ZFP1: variants seen among roughly 807,000 people sequenced by gnomAD.
The protein encoded by ZFP1 is zinc finger protein 1 homolog.
A neutral mutation model predicts 38.5 loss-of-function variants in ZFP1; 32 were observed. The observed-to-expected ratio is 0.83, with a 90% CI of 0.63 to 1.12. The LOEUF is 1.12. Among genes scored for constraint, ZFP1 ranks in the 50% most tolerant of loss-of-function variants. The pLI, the probability that ZFP1 is intolerant of heterozygous loss-of-function variation, is 0.00. For synonymous variants in ZFP1, 245 were observed against 168.8 expected (o/e 1.45, Z -3.50); for missense variants, 616 against 480.8 (o/e 1.28, Z -2.63).
the ZFP1 span, among the ~76,000 whole-genome samples, chr16:75,121,430 C>A: frequency 6.6e-6 from 1 of 152,076 alleles, no homozygotes; most frequent in Non-Finnish European, 1.5e-5. Flanking sequence ...CGGCAAATTT[C>A]TTTAATTTTA....
chr16:75,141,612 T>C, the ZFP1 span, among the ~76,000 whole-genome samples: 5 of 152,124 alleles, frequency 3.3e-5, no homozygotes, highest in South Asian at 4.1e-4. Context: ...TATCTGTGTG[T>C]AGTGGCTCAC....
At chr16:75,145,859 G>C (rs1293329584), upstream of ZFP1, among the ~76,000 whole-genome samples, 1 of 152,208 alleles carries the variant, frequency 6.6e-6, no homozygotes, top group Non-Finnish European at 1.5e-5. Flanking sequence ...TGGGTATTAA[G>C]AGGGCAGGGT....
chr16:75,125,476 C>A, the ZFP1 span, among the ~76,000 whole-genome samples: 1 of 152,000 alleles, frequency 6.6e-6, no homozygotes, highest in Admixed American at 6.6e-5. Flanking sequence ...GCATGCACCA[C>A]CACACCTGGC....
Position 75,169,510 on chromosome 16 carries a change from T to C in ZFP1, c.400T>C (p.Cys134Arg). The change falls in exon 4 of 4, where the codon TGT becomes CGT. Residue 134 changes from cysteine to arginine, a missense_variant. Transcript: ENST00000570010. ...RSYAGKQTDE[C>R]NEFGKALLYL... ...CTATGCAGGAAAGCAGACTGATGAG[T>C]GTAATGAATTTGGAAAAGCACTTCT... The C allele has an allele frequency of 6.2e-7, 1 of 1,613,178 alleles. No homozygotes were observed. Among genetic ancestry groups the C allele is most frequent in the Non-Finnish European group, 8.5e-7 (1 of 1,179,854 alleles).
At chr16:75,129,516 C>A in the ZFP1 span, among the ~76,000 whole-genome samples, 83 of 152,272 alleles carry the variant, frequency 5.5e-4, 1 homozygote, top group African/African-American at 1.7e-3. Flanking sequence ...AATGCGTATC[C>A]TTTTGCCTGT....
At chr16:75,134,774 C>T in the ZFP1 span, among the ~76,000 whole-genome samples, 2 of 147,562 alleles carry the variant, frequency 1.4e-5, no homozygotes, top group Admixed American at 1.4e-4. Flanking sequence ...TTAGCCAGGC[C>T]TGTCTGGGCG....
chr16:75,165,332 A>G (rs1436074524), intron 2 of ZFP1, among the ~76,000 whole-genome samples: 1 of 152,036 alleles, frequency 6.6e-6, no homozygotes, highest in East Asian at 1.9e-4. Flanking sequence ...TCTGACTTCC[A>G]TTGTTTTTGT....
Position 75,169,691 on chromosome 16 carries a change from C to T in ZFP1, c.581C>T (p.Ser194Phe), listed in dbSNP as rs1369873433. 2 of 1,612,026 alleles carry T rather than the reference C, an allele frequency of 1.2e-6. No individual in the cohort carries two copies. Among genetic ancestry groups the T allele is most frequent in the South Asian group, 1.1e-5 (1 of 90,880 alleles). The change falls in exon 4 of 4, where the codon TCC becomes TTC. Residue 194 changes from serine (S) to phenylalanine (F), a missense_variant. Physicochemically the swap from Ser to Phe is radical, Grantham distance 155 (BLOSUM62 -2). Coordinates refer to ENST00000570010, the MANE Select transcript of ZFP1 (RefSeq NM_153688.4). ...FICTYCDKAF[S>F]FKSLLISHKR... ...TGTACTTACTGTGACAAGGCTTTCT[C>T]CTTTAAGTCACTCCTCATTAGTCAT...
intron 1 of ZFP1, among the ~76,000 whole-genome samples, chr16:75,152,021 G>A (rs1837687166): frequency 6.6e-6 from 1 of 152,112 alleles, no homozygotes; most frequent in Non-Finnish European, 1.5e-5. Flanking sequence ...AGCACTTTCA[G>A]GATGTCACTA....
In ZFP1 at chr16:75,172,126, T is replaced by G. The variant is rs893668042; in HGVS notation, c.*1792T>G. ...ATGGTATTTCCTTGAAAAGAATGTG[T>G]GGGAACAAACTCCAAACTTCTCTAG... On this transcript the variant is annotated 3_prime_UTR_variant, in exon 4 of 4. Transcript: ENST00000570010. The G allele has an allele frequency of 2.6e-5, 4 of 152,190 alleles. No individual in the cohort carries two copies. The highest frequency in any genetic ancestry group is 1.9e-4 in the East Asian group (1 of 5,200). 9.4% of individuals were successfully genotyped at this position (152,190 alleles called of 1,614,324 possible).
chr16:75,147,281 TTTTG>T (rs1286564150), upstream of ZFP1, among the ~76,000 whole-genome samples: 1 of 151,958 alleles, frequency 6.6e-6, no homozygotes, highest in East Asian at 1.9e-4. Flanking sequence ...GTGCCAATGA[TTTTG>T]TTTTTTAATT....
chr16:75,139,053 A>T, the ZFP1 span, among the ~76,000 whole-genome samples: 1 of 151,924 alleles, frequency 6.6e-6, no homozygotes, highest in Non-Finnish European at 1.5e-5. Flanking sequence ...CCTACAAAAT[A>T]CCTATCTAGT....
Position 75,169,546 on chromosome 16 carries a change from C to T in ZFP1, c.436C>T (p.Gln146Ter). 6.2e-7 allele frequency: 1 copy of T among 1,612,338 alleles called. No individual in the cohort carries two copies. Among genetic ancestry groups the T allele is most frequent in the Non-Finnish European group, 8.5e-7 (1 of 1,179,664 alleles). The change falls in exon 4 of 4, where the codon CAA becomes TAA. Residue 146 changes from glutamine to a stop codon, truncating the protein, a stop_gained. Transcript: ENST00000570010. LOFTEE classifies it high-confidence loss of function. ...TGGAAAAGCACTTCTCTACCTGAAG[C>T]AAGAGAAAACCCACAGTGGAGTAGA... ...EFGKALLYLKQEKTHSGVEYS... is the reference protein window; with the variant it reads ...EFGKALLYLK
intron 2 of ZFP1, among the ~76,000 whole-genome samples, chr16:75,153,808 GGTTC>G (rs1263125775): frequency 2.0e-5 from 3 of 152,096 alleles, no homozygotes; most frequent in Non-Finnish European, 4.4e-5. Context: ...ATACAGAATA[GGTTC>G]ACTGCCCTGA....
chr16:75,133,491 T>C, the ZFP1 span, among the ~76,000 whole-genome samples: 1 of 152,200 alleles, frequency 6.6e-6, no homozygotes, highest in African/African-American at 2.4e-5. Context: ...TCTTATCATT[T>C]AGCTCCCACT....
the ZFP1 span, among the ~76,000 whole-genome samples, chr16:75,120,095 AAGTC>A: frequency 6.6e-6 from 1 of 152,210 alleles, no homozygotes; most frequent in Non-Finnish European, 1.5e-5. Flanking sequence ...CAATGATTAA[AAGTC>A]AGCTTAATTA....
intron 2 of ZFP1, among the ~76,000 whole-genome samples, chr16:75,159,067 T>G (rs146161697): frequency 1.2e-4 from 19 of 152,202 alleles, no homozygotes; most frequent in African/African-American, 4.1e-4. Flanking sequence ...CAGCTAATTT[T>G]TGTATTTTTT....
At chr16:75,147,184 TA>T (rs1247203528), upstream of ZFP1, among the ~76,000 whole-genome samples, 4 of 152,130 alleles carry the variant, frequency 2.6e-5, no homozygotes, top group African/African-American at 9.7e-5. Flanking sequence ...AACTATTCTG[TA>T]CGATACTGTA....
the ZFP1 span, among the ~76,000 whole-genome samples, chr16:75,119,237 CT>C: frequency 6.6e-6 from 1 of 152,152 alleles, no homozygotes; most frequent in East Asian, 1.9e-4. Context: ...GGAGGCGCCC[CT>C]GACCTTTGAC....
Sources: gnomAD v4.1 joint callset for allele counts (sites outside exome capture counted in the v4.1 genomes callset) on GRCh38, gnomAD v4.1.1 for gene constraint, MANE v1.5 for transcripts, NCBI Gene and HGNC (gene_info 2026-07-23, HGNC 2026-07-21) for gene names.